The following PLPPR1 variants were observed in gnomAD, a reference collection of about 807,000 sequenced individuals.
The protein encoded by PLPPR1 is phospholipid phosphatase-related protein type 1.
PLPPR1 carries 10 observed loss-of-function variants against 33.1 expected under a neutral mutation model. The observed-to-expected ratio is 0.30, with a 90% CI of 0.19 to 0.51. PLPPR1 has a LOEUF of 0.51. PLPPR1 is among the 20% of genes least tolerant of loss of function. The pLI is 0.97. For missense variants in PLPPR1, 304 were observed against 408.1 expected (o/e 0.74, Z 2.20); for synonymous variants, 151 against 151.0 (o/e 1.00, Z 0.00).
At chr9:101,166,185 A>G (rs1486501468) in intron 1 of PLPPR1, among the ~76,000 whole-genome samples, 1 of 152,178 alleles carries the variant, frequency 6.6e-6, no homozygotes, top group Non-Finnish European at 1.5e-5. Flanking sequence ...TGTTTCAACC[A>G]TATGGCCGTG....
chr9:101,095,791 G>A (rs1198015294), intron 1 of PLPPR1, among the ~76,000 whole-genome samples: 1 of 152,156 alleles, frequency 6.6e-6, no homozygotes, highest in Admixed American at 6.5e-5. Context: ...GACACACAGA[G>A]AAGTATTTCT....
intron 2 of PLPPR1, among the ~76,000 whole-genome samples, chr9:101,211,691 G>T (rs1201026914): frequency 2.0e-5 from 3 of 152,190 alleles, no homozygotes; most frequent in Admixed American, 6.5e-5. Flanking sequence ...TCTTCTGGGA[G>T]ATTTATTATT....
intron 1 of PLPPR1, among the ~76,000 whole-genome samples, chr9:101,069,524 C>T (rs974750763): frequency 7.9e-5 from 12 of 152,102 alleles, no homozygotes; most frequent in Admixed American, 7.9e-4. Flanking sequence ...ATCTTGGACA[C>T]TCCACAGGTT....
At chr9:101,083,004 A>G (rs1246001310) in intron 1 of PLPPR1, among the ~76,000 whole-genome samples, 1 of 152,124 alleles carries the variant, frequency 6.6e-6, no homozygotes, top group East Asian at 1.9e-4. Flanking sequence ...GAAGAAGGAG[A>G]AAAAGGAATT....
At chr9:101,179,558 T>G (rs749849819) in intron 1 of PLPPR1, among the ~76,000 whole-genome samples, 3 of 152,178 alleles carry the variant, frequency 2.0e-5, no homozygotes, top group Non-Finnish European at 4.4e-5. Flanking sequence ...ATTGTTAACT[T>G]TATGTATTTG....
chr9:101,206,863 A>G (rs1049003983), intron 2 of PLPPR1, among the ~76,000 whole-genome samples: 1 of 152,130 alleles, frequency 6.6e-6, no homozygotes, highest in African/African-American at 2.4e-5. Context: ...CAGGACCTTG[A>G]CATCCTTTCT....
At chr9:101,280,219 C>T (rs557428245) in intron 3 of PLPPR1, among the ~76,000 whole-genome samples, 1 of 152,146 alleles carries the variant, frequency 6.6e-6, no homozygotes, top group African/African-American at 2.4e-5. Context: ...ACATATACAA[C>T]TTACCAAGAT....
At chr9:101,160,165 T>C (rs1157666554) in intron 1 of PLPPR1, among the ~76,000 whole-genome samples, 1 of 152,196 alleles carries the variant, frequency 6.6e-6, no homozygotes, top group Admixed American at 6.5e-5. Context: ...TTTATTCCCA[T>C]CTGAATAATT....
chr9:101,306,784 T>C (rs1321705385), intron 4 of PLPPR1, among the ~76,000 whole-genome samples: 1 of 152,190 alleles, frequency 6.6e-6, no homozygotes, highest in Admixed American at 6.5e-5. Context: ...ACAGAGACAT[T>C]TTTAAAACAT....
chr9:101,112,283 T>C (rs568104883), intron 1 of PLPPR1, among the ~76,000 whole-genome samples: 1 of 152,182 alleles, frequency 6.6e-6, no homozygotes, highest in South Asian at 2.1e-4. Flanking sequence ...ATTTACATAA[T>C]AGGCAACAGG....
intron 2 of PLPPR1, among the ~76,000 whole-genome samples, chr9:101,248,148 A>G (rs1827648401): frequency 6.6e-6 from 1 of 152,014 alleles, no homozygotes; most frequent in Non-Finnish European, 1.5e-5. Context: ...GACATCAAAG[A>G]TGTCAAAAAT....
intron 6 of PLPPR1, among the ~76,000 whole-genome samples, chr9:101,313,758 G>T (rs1242624101): frequency 6.6e-6 from 1 of 152,008 alleles, no homozygotes; most frequent in Non-Finnish European, 1.5e-5. Flanking sequence ...AGTATAATAG[G>T]TATACAATAA....
In PLPPR1 at chr9:101,261,667, T is replaced by TA. The variant is rs201258975; in HGVS notation, c.64-8207dup. The stretch of plus-strand genomic sequence containing the variant: ...TACACCATGGAATAGTATGCATCCA[T>TA]AAAAAAGAATGAGATCATGTCCTTC... On this transcript the variant is annotated intron_variant, in intron 2 of 7. Coordinates refer to ENST00000374874, the MANE Select transcript of PLPPR1 (RefSeq NM_207299.2). 7.8e-3 allele frequency among the ~76,000 whole-genome samples: 1,181 copies of TA among 152,216 alleles called. 15 individuals carry two copies. Among genetic ancestry groups the TA allele is most frequent in the African/African-American group, 0.027 (1,129 of 41,508 alleles).
chr9:101,317,747 G>A (rs1166375022), intron 7 of PLPPR1, among the ~76,000 whole-genome samples: 1 of 152,094 alleles, frequency 6.6e-6, no homozygotes, highest in Non-Finnish European at 1.5e-5. Flanking sequence ...GCTGTTTCAG[G>A]ATACTTTGAC....
At chr9:101,179,744 G>C (rs1826070788) in intron 1 of PLPPR1, among the ~76,000 whole-genome samples, 1 of 152,004 alleles carries the variant, frequency 6.6e-6, no homozygotes, top group Non-Finnish European at 1.5e-5. Context: ...CAACTTGATT[G>C]GATGGAAGGA....
chr9:101,137,156 C>T (rs1390277231), intron 1 of PLPPR1, among the ~76,000 whole-genome samples: 1 of 152,132 alleles, frequency 6.6e-6, no homozygotes, highest in Non-Finnish European at 1.5e-5. Flanking sequence ...AAAAGATGTG[C>T]TCTTCACTGA....
intron 1 of PLPPR1, among the ~76,000 whole-genome samples, chr9:101,035,987 G>A (rs932507727): frequency 6.6e-6 from 1 of 152,126 alleles, no homozygotes; most frequent in African/African-American, 2.4e-5. Context: ...GGGTGAGGGT[G>A]GGGTGAGAGA....
chr9:101,147,932 T>A (rs967492130), intron 1 of PLPPR1, among the ~76,000 whole-genome samples: 2 of 152,184 alleles, frequency 1.3e-5, no homozygotes, highest in Non-Finnish European at 2.9e-5. Context: ...GGCTTTCTTT[T>A]TCCTGGCTCA....
chr9:101,154,343 A>G (rs188947378), intron 1 of PLPPR1, among the ~76,000 whole-genome samples: 1,746 of 152,080 alleles, frequency 0.011, 38 homozygotes, highest in African/African-American at 0.04. Context: ...CTGGTCCTGG[A>G]CTTTTTTTGG....
Sources: allele counts gnomAD v4.1 joint callset (sites outside exome capture counted in the v4.1 genomes callset), GRCh38; gene constraint gnomAD v4.1.1; transcripts MANE v1.5; gene names NCBI Gene and HGNC (gene_info 2026-07-23, HGNC 2026-07-21).